The following KDM1B variants were observed in gnomAD, a reference collection of about 807,000 sequenced individuals.
KDM1B encodes lysine demethylase 1B.
In KDM1B, 63 loss-of-function variants were observed where a neutral mutation model predicts 107.4. The observed-to-expected ratio is 0.59, with a 90% CI of 0.48 to 0.72. The LOEUF (loss-of-function observed/expected upper bound fraction) is 0.72. KDM1B is among the 30% of genes least tolerant of loss of function. The pLI is 0.00. For missense variants in KDM1B, 749 were observed against 1,020.8 expected (o/e 0.73, Z 3.63); for synonymous variants, 363 against 363.9 (o/e 1.00, Z 0.03).
At position 18,197,605 on chromosome 6, in the gene KDM1B, G is replaced by C. The variant is rs978311205; in HGVS notation, c.1165G>C (p.Gly389Arg). The change falls in exon 12 of 22, where the codon GGG becomes CGG. Residue 389 changes from glycine to arginine, a missense_variant. By Grantham distance (125) the Gly-to-Arg change is moderately radical (BLOSUM62 -2). Coordinates refer to ENST00000650836, the MANE Select transcript of KDM1B (RefSeq NM_001364614.2). This position sits in a 1 kb window ranked among gnomAD's most constrained non-coding sequence, Gnocchi z 4.5. ...DYHNKSVIIIGAGPAGLAAAR... is the reference protein window; with the variant it reads ...DYHNKSVIIIRAGPAGLAAAR... ...TTTTAAGAAATCAGTCATCATTATC[G>C]GGGCTGGTCCAGCAGGATTAGCAGC... The C allele has an allele frequency of 6.2e-7, 1 of 1,613,662 alleles. No homozygotes were observed. Among genetic ancestry groups the C allele is most frequent in the Admixed American group, 1.7e-5 (1 of 59,994 alleles).
At position 18,186,523 on chromosome 6, in the gene KDM1B, T is replaced by C. The variant is rs1183964517; in HGVS notation, c.573+713T>C. ...GATAGCTTTTCAGGCAAAGACAGCA[T>C]TGACTTTTAGCAAATCTACTTTAAA... On this transcript the variant is annotated intron_variant, in intron 8 of 21. Coordinates refer to ENST00000650836, the MANE Select transcript of KDM1B (RefSeq NM_001364614.2). This position sits in a 1 kb window ranked among gnomAD's most constrained non-coding sequence, Gnocchi z 5.6. 6.6e-6 allele frequency among the ~76,000 whole-genome samples: 1 copy of C among 152,184 alleles called. No individual in the cohort carries two copies. The highest frequency in any genetic ancestry group is 2.4e-5 in the African/African-American group (1 of 41,452).
chr6:18,219,610 GCTCC>G (rs1024601028), intron 21 of KDM1B, among the ~76,000 whole-genome samples: 6 of 152,114 alleles, frequency 3.9e-5, no homozygotes, highest in African/African-American at 1.4e-4. Context: ...TTGCTTTTAT[GCTCC>G]CTCCCTCCCT....
rs558251349 is a variant in KDM1B at position 18,162,304 on chromosome 6, A to G, written c.216-531A>G. Among the ~76,000 whole-genome samples the G allele has an allele frequency of 6.6e-6, 1 of 152,358 alleles. No individual in the cohort carries two copies. The highest frequency in any genetic ancestry group is 2.4e-5 in the African/African-American group (1 of 41,594). On this transcript the variant is annotated intron_variant, in intron 4 of 21. Coordinates refer to ENST00000650836, the MANE Select transcript of KDM1B (RefSeq NM_001364614.2). This position sits in a 1 kb window ranked among gnomAD's most constrained non-coding sequence, Gnocchi z 4.1. ...GCCACTGTACTCCAGCCTGAGTGAC[A>G]GAGCAAGACTCCATCTCAAATAAAT...
intron 12 of KDM1B, among the ~76,000 whole-genome samples, chr6:18,199,027 A>AG (rs1787861046): frequency 6.8e-6 from 1 of 146,750 alleles, no homozygotes; most frequent in African/African-American, 2.6e-5. Context: ...AAAAAAAAAA[A>AG]AAAAAAGAAA....
intron 6 of KDM1B, among the ~76,000 whole-genome samples, chr6:18,166,708 G>A (rs1014736000): frequency 6.6e-6 from 1 of 151,794 alleles, no homozygotes; most frequent in African/African-American, 2.4e-5. Context: ...TTTTTAAGTA[G>A]GCAAGAATGG....
rs145456658 is a variant in KDM1B, at chr6:18,162,724, T to G, written c.216-111T>G. ...TTTCCCCTGTCCTTAAGGGGCTAAG[T>G]GGAGATAATGCAAAATGGGTTCATA... On this transcript the variant is annotated intron_variant, in intron 4 of 21. Transcript: ENST00000650836. This position sits in a 1 kb window ranked among gnomAD's most constrained non-coding sequence, Gnocchi z 4.1. 5,081 of 659,004 alleles carry G rather than the reference T, an allele frequency of 7.7e-3. 66 individuals are homozygous for G. Among genetic ancestry groups the G allele is most frequent in the South Asian group, 0.033 (1,900 of 57,342 alleles). The allele number at this position is 659,004 out of a possible 1,614,324, so 40.8% of individuals were successfully genotyped here.
chr6:18,182,545 T>C (rs1786548211), intron 7 of KDM1B, among the ~76,000 whole-genome samples: 1 of 152,048 alleles, frequency 6.6e-6, no homozygotes, highest in South Asian at 2.1e-4. Flanking sequence ...TTTATTTCAT[T>C]CTTTTTTTTT....
At chr6:18,198,897 G>A (rs1037625046) in intron 12 of KDM1B, among the ~76,000 whole-genome samples, 1 of 149,590 alleles carries the variant, frequency 6.7e-6, no homozygotes, top group Admixed American at 6.7e-5. Context: ...GCTGGGCACA[G>A]TGGCTCAGTG....
Position 18,172,862 on chromosome 6 carries a change from G to C in KDM1B, c.534+1383G>C, listed in dbSNP as rs1785744960. Among the ~76,000 whole-genome samples the C allele has an allele frequency of 6.6e-6, 1 of 152,030 alleles. No homozygotes were observed. Among genetic ancestry groups the C allele is most frequent in the Admixed American group, 6.6e-5 (1 of 15,236 alleles). ...CCCAGCACTTTGGGAGGCCGAGATG[G>C]GCGGATCACCCGAGGTCAGGAGTTC... On this transcript the variant is annotated intron_variant, in intron 7 of 21. Coordinates refer to ENST00000650836, the MANE Select transcript of KDM1B (RefSeq NM_001364614.2). This position sits in a 1 kb window ranked among gnomAD's most constrained non-coding sequence, Gnocchi z 5.2.
intron 5 of KDM1B, among the ~76,000 whole-genome samples, chr6:18,163,501 A>G (rs1785100496): frequency 6.6e-6 from 1 of 152,032 alleles, no homozygotes; most frequent in East Asian, 1.9e-4. Flanking sequence ...CTCTAGTTTC[A>G]TAAATTAGTA....
intron 10 of KDM1B, among the ~76,000 whole-genome samples, chr6:18,195,432 AATAC>A (rs1787576998): frequency 6.6e-6 from 1 of 152,190 alleles, no homozygotes; most frequent in Non-Finnish European, 1.5e-5. Flanking sequence ...GATGTTTTGA[AATAC>A]ATATATGTAT....
chr6:18,211,445 G>A lies in KDM1B; in HGVS notation c.1867-1043G>A, dbSNP rs1788843179. On this transcript the variant is annotated intron_variant, in intron 17 of 21. Coordinates refer to ENST00000650836, the MANE Select transcript of KDM1B (RefSeq NM_001364614.2). This position sits in a 1 kb window ranked among gnomAD's most constrained non-coding sequence, Gnocchi z 5.2. ...TGCACTTGCATGAGATGTAGAAGGT[G>A]TAGGTTGACTTTCGCTTCCCTTCTG... The A allele has an allele frequency of 6.6e-6, 1 of 152,250 alleles. No individual in the cohort carries two copies. The highest frequency in any genetic ancestry group is 2.1e-4 in the South Asian group (1 of 4,834). The allele number at this position is 152,250 out of a possible 1,614,324, so 9.4% of individuals were successfully genotyped here. A position where few individuals can be genotyped will look rare whatever the true frequency, so the allele number is the denominator to read the frequency against.
In KDM1B at chr6:18,191,971, C is replaced by T. The variant is rs962692428; in HGVS notation, c.969+590C>T. On this transcript the variant is annotated intron_variant, in intron 10 of 21. Transcript: ENST00000650836. This position sits in a 1 kb window ranked among gnomAD's most constrained non-coding sequence, Gnocchi z 5.1. ...GGGAATACTAGCTAAAAACAAAAAA[C>T]AAAGGGGCTGGGTGAAGTGGCTTGT... Among the ~76,000 whole-genome samples, 7 of 152,030 alleles carry T rather than the reference C, an allele frequency of 4.6e-5. No homozygotes were observed. The highest frequency in any genetic ancestry group is 1.7e-4 in the African/African-American group (7 of 41,408).
In KDM1B at chr6:18,223,141, G is replaced by C. The variant is rs1166986641; in HGVS notation, c.*1149G>C. On this transcript the variant is annotated 3_prime_UTR_variant, in exon 22 of 22. Coordinates refer to ENST00000650836, the MANE Select transcript of KDM1B (RefSeq NM_001364614.2). ...TTTTGCCAAGAAACTTCAGTATACA[G>C]GTTAGAAATATGCTTTTGTTTTTGA... 6.6e-6 allele frequency: 1 copy of C among 152,458 alleles called. No individual in the cohort carries two copies. Among genetic ancestry groups the C allele is most frequent in the Non-Finnish European group, 1.5e-5 (1 of 68,016 alleles). 9.4% of individuals were successfully genotyped at this position (152,458 alleles called of 1,614,324 possible).
At position 18,211,002 on chromosome 6, in the gene KDM1B, T is replaced by C. The variant is rs1387521459; in HGVS notation, c.1867-1486T>C. Among the ~76,000 whole-genome samples, 1 of 152,074 alleles carries C rather than the reference T, an allele frequency of 6.6e-6. No individual in the cohort carries two copies. Among genetic ancestry groups the C allele is most frequent in the Non-Finnish European group, 1.5e-5 (1 of 68,002 alleles). On this transcript the variant is annotated intron_variant, in intron 17 of 21. Transcript: ENST00000650836. The surrounding 1 kb of genome is among the most constrained non-coding windows in gnomAD (Gnocchi z 5.2). ...GCAACAGAGCAAGACCCTGTCTCTT[T>C]AAAGGGGAAAAAAATCTAGATTTTA...
chr6:18,212,533 C>G lies in KDM1B; in HGVS notation c.1912C>G (p.Gln638Glu), dbSNP rs762311024. The G allele has an allele frequency of 1.2e-6, 2 of 1,614,116 alleles. No homozygotes were observed. The highest frequency in any genetic ancestry group is 1.7e-6 in the Non-Finnish European group (2 of 1,179,942). Reference sequence around the variant, plus strand: ...GGCTTTACTACAGAAAGGTGCCATTCAGTTTAATCCACCGTTGTCAGAGAA... The same window carrying G: ...GGCTTTACTACAGAAAGGTGCCATTGAGTTTAATCCACCGTTGTCAGAGAA... ...PLALLQKGAI[Q>E]FNPPLSEKKM... The change falls in exon 18 of 22, where the codon CAG (glutamine) becomes GAG (glutamate). Residue 638 changes from glutamine (Q) to glutamate (E), a missense_variant. By Grantham distance (29) the Gln-to-Glu change is conservative. Coordinates refer to ENST00000650836, the MANE Select transcript of KDM1B (RefSeq NM_001364614.2). The surrounding 1 kb of genome is among the most constrained non-coding windows in gnomAD (Gnocchi z 5.2).
At chr6:18,188,142 T>C (rs1786999830) in intron 9 of KDM1B, 140 bp downstream of exon 9, 4 of 766,678 alleles carry the variant, frequency 5.2e-6, no homozygotes, top group Non-Finnish European at 8.5e-6. Flanking sequence ...CCCAGCACTT[T>C]GGGTGGCCGA....
At chr6:18,190,586 A>G (rs1018281238) in intron 9 of KDM1B, among the ~76,000 whole-genome samples, 9 of 151,252 alleles carry the variant, frequency 6.0e-5, no homozygotes, top group African/African-American at 2.0e-4. Flanking sequence ...AGGGCGACAG[A>G]GTGAGACTCC....
Position 18,159,905 on chromosome 6 carries a change from C to G in KDM1B, c.10C>G (p.Pro4Ala), listed in dbSNP as rs1413880895. ...CAGATTATTTAATGTAATGGCAACT[C>G]CACGGGGGAGGACAAAGAAAAAAGC... MAT[P>A]RGRTKKKASF... The change falls in exon 3 of 22, where the codon CCA becomes GCA. Residue 4 changes from proline (P) to alanine (A), a missense_variant. Transcript: ENST00000650836. The surrounding 1 kb of genome is among the most constrained non-coding windows in gnomAD (Gnocchi z 4.5). 1 of 1,606,374 alleles carries G rather than the reference C, an allele frequency of 6.2e-7. No homozygotes were observed. The highest frequency in any genetic ancestry group is 1.3e-5 in the African/African-American group (1 of 74,612).
Sources: gnomAD v4.1 joint callset for allele counts (sites outside exome capture counted in the v4.1 genomes callset) on GRCh38, gnomAD v4.1.1 for gene constraint, Gnocchi (gnomAD v3.1) non-coding constraint, MANE v1.5 for transcripts, NCBI Gene and HGNC (gene_info 2026-07-23, HGNC 2026-07-21) for gene names.